The following COL25A1 variants were observed in gnomAD, a reference collection of about 807,000 sequenced individuals.
COL25A1 encodes collagen alpha-1(XXV) chain.
COL25A1 carries 103 observed loss-of-function variants against 128.4 expected under a neutral mutation model. The observed-to-expected ratio is 0.80, with a 90% CI of 0.68 to 0.94. COL25A1 has a LOEUF of 0.94. Among genes scored for constraint, COL25A1 ranks in the 40% least tolerant of loss-of-function variants. The pLI, the probability that COL25A1 is intolerant of heterozygous loss-of-function variation, is 0.00. For missense variants in COL25A1, 745 were observed against 840.0 expected, an observed-to-expected ratio of 0.89 and a Z score of 1.40; for synonymous variants, 279 against 277.2, an observed-to-expected ratio of 1.01 and a Z score of -0.06.
At chr4:109,047,695 C>G (rs1760564421) in intron 5 of COL25A1, among the ~76,000 whole-genome samples, 2 of 147,942 alleles carry the variant, frequency 1.4e-5, no homozygotes, top group African/African-American at 4.9e-5. Flanking sequence ...AATTGTGTAT[C>G]TAAAAAATAA....
Position 108,811,430 on chromosome 4 carries a change from T to A in COL25A1, c.*2497A>T, listed in dbSNP as rs905953295. 5.3e-5 allele frequency: 8 copies of A among 152,190 alleles called. No homozygotes were observed. In the Middle Eastern group the frequency reaches 0.01, roughly 194 times the overall value. The allele number at this position is 152,190 out of a possible 1,614,324, so 9.4% of individuals were successfully genotyped here. On this transcript the variant is annotated 3_prime_UTR_variant, in exon 38 of 38. Coordinates refer to ENST00000399132, the MANE Select transcript of COL25A1 (RefSeq NM_198721.4). ...CTTTGAAGGGCTGTATTTCAAAAAA[T>A]TTTTTTATACATAAAGTGTTTTTCT...
Position 109,174,271 on chromosome 4 carries a change from C to A in COL25A1, c.368-124092G>T, listed in dbSNP as rs1168832574. On this transcript the variant is annotated intron_variant, in intron 3 of 37. Transcript: ENST00000399132. ...AAATAAAGCCCTATTGTAAATGTTG[C>A]CTTGACATGTGGTGAAATCAGGAGG... 3.9e-5 allele frequency among the ~76,000 whole-genome samples: 6 copies of A among 152,262 alleles called. No homozygotes were observed. In the East Asian group the frequency reaches 1.2e-3, roughly 29 times the overall value.
intron 3 of COL25A1, among the ~76,000 whole-genome samples, chr4:109,079,345 T>C (rs1441689793): frequency 1.3e-5 from 2 of 152,228 alleles, no homozygotes; most frequent in African/African-American, 2.4e-5. Flanking sequence ...AGTTTAACTG[T>C]GTAGCATAGT....
intron 17 of COL25A1, among the ~76,000 whole-genome samples, 181 bp from the exon 18 acceptor site, chr4:108,889,437 T>TG (rs1491350625): frequency 9.0e-6 from 1 of 111,566 alleles, no homozygotes; most frequent in Non-Finnish European, 1.9e-5. Context: ...TTTTTTTTTT[T>TG]GCTGTAAATA....
At chr4:109,249,240 C>T (rs1457770471) in intron 3 of COL25A1, among the ~76,000 whole-genome samples, 1 of 152,182 alleles carries the variant, frequency 6.6e-6, no homozygotes. Context: ...ACATGATGAA[C>T]ATCCCACATT....
At chr4:108,985,665 A>G (rs911868376) in intron 6 of COL25A1, among the ~76,000 whole-genome samples, 2 of 152,198 alleles carry the variant, frequency 1.3e-5, no homozygotes, top group Non-Finnish European at 2.9e-5. Context: ...TGAAACTAAA[A>G]CCAAATAAAC....
chr4:108,842,685 C>T (rs1374860367), intron 30 of COL25A1, among the ~76,000 whole-genome samples: 1 of 152,006 alleles, frequency 6.6e-6, no homozygotes, highest in East Asian at 1.9e-4. Flanking sequence ...GTATTCTTAC[C>T]TCATTTTAAT....
At chr4:109,216,618 C>A (rs185142789) in intron 3 of COL25A1, among the ~76,000 whole-genome samples, 1 of 152,048 alleles carries the variant, frequency 6.6e-6, no homozygotes, top group South Asian at 2.1e-4. Context: ...AGCTCTTCTG[C>A]CACAAGCCAA....
chr4:109,127,040 TAA>T (rs1768689069), intron 3 of COL25A1, among the ~76,000 whole-genome samples: 1 of 152,286 alleles, frequency 6.6e-6, no homozygotes, highest in South Asian at 2.1e-4. Context: ...GAGAAAGAGA[TAA>T]AAGCTTCAGA....
chr4:109,300,188 A>C (rs915119624), intron 3 of COL25A1, among the ~76,000 whole-genome samples: 8 of 151,944 alleles, frequency 5.3e-5, no homozygotes, highest in African/African-American at 1.9e-4. Flanking sequence ...AAACAAAAAA[A>C]AAAAAAAACT....
chr4:109,175,461 G>A (rs1046524716), intron 3 of COL25A1, among the ~76,000 whole-genome samples: 2 of 151,968 alleles, frequency 1.3e-5, no homozygotes, highest in Non-Finnish European at 2.9e-5. Flanking sequence ...CACAATATTG[G>A]GGAACTACAC....
chr4:109,065,458 T>C (rs1206997469), intron 3 of COL25A1, among the ~76,000 whole-genome samples: 1 of 151,926 alleles, frequency 6.6e-6, no homozygotes, highest in Non-Finnish European at 1.5e-5. Flanking sequence ...CATGTTGTAT[T>C]TATTGCACTA....
At chr4:108,814,580 T>C (rs192370197) in intron 37 of COL25A1, among the ~76,000 whole-genome samples, 249 of 152,344 alleles carry the variant, frequency 1.6e-3, no homozygotes, top group Non-Finnish European at 2.7e-3. Flanking sequence ...ATTTCTGCTT[T>C]CTCATCTCTC....
Position 109,281,888 on chromosome 4 carries a change from T to A in COL25A1, c.367+18695A>T, listed in dbSNP as rs529257730. Among the ~76,000 whole-genome samples the A allele has an allele frequency of 3.3e-5, 5 of 152,306 alleles. No homozygotes were observed. In the South Asian group the frequency reaches 1.0e-3, roughly 32 times the overall value. ...ACTATACCTTTATTTTAGAGCAACATAAGCACTTTTGTTTGTTATACTACT... is the reference window on the plus strand; with the variant it reads ...ACTATACCTTTATTTTAGAGCAACAAAAGCACTTTTGTTTGTTATACTACT... On this transcript the variant is annotated intron_variant, in intron 3 of 37. Coordinates refer to ENST00000399132, the MANE Select transcript of COL25A1 (RefSeq NM_198721.4).
At chr4:109,025,719 T>A (rs562696269) in intron 5 of COL25A1, among the ~76,000 whole-genome samples, 1 of 152,296 alleles carries the variant, frequency 6.6e-6, no homozygotes, top group East Asian at 1.9e-4. Flanking sequence ...GGGACCCAGA[T>A]GTTTGTGGCT....
At chr4:108,980,853 C>T (rs1578966287) in intron 6 of COL25A1, among the ~76,000 whole-genome samples, 2 of 152,322 alleles carry the variant, frequency 1.3e-5, no homozygotes, top group African/African-American at 2.4e-5. Context: ...CAATGGTCAC[C>T]GCACGTCTGA....
chr4:108,903,890 C>T (rs572523501), intron 13 of COL25A1, among the ~76,000 whole-genome samples: 1 of 151,988 alleles, frequency 6.6e-6, no homozygotes, highest in Non-Finnish European at 1.5e-5. Flanking sequence ...AAATTTTTCA[C>T]TTGTAAGCTT....
chr4:109,201,048 T>C (rs1020227831), intron 3 of COL25A1, among the ~76,000 whole-genome samples: 1 of 152,206 alleles, frequency 6.6e-6, no homozygotes, highest in Non-Finnish European at 1.5e-5. Flanking sequence ...CCTTTCTTCA[T>C]TGATATTCTC....
chr4:109,288,962 T>TACAC lies in COL25A1; in HGVS notation c.367+11617_367+11620dup, dbSNP rs3079876. On this transcript the variant is annotated intron_variant, in intron 3 of 37. Coordinates refer to ENST00000399132, the MANE Select transcript of COL25A1 (RefSeq NM_198721.4). The stretch of plus-strand genomic sequence containing the variant: ...ACTACCAGGAATACTAAATTATATA[T>TACAC]ACACACACACACACACACACACACA... 4.9e-3 allele frequency among the ~76,000 whole-genome samples: 659 copies of TACAC among 133,574 alleles called. 4 individuals carry two copies. Among genetic ancestry groups the TACAC allele is most frequent in the Middle Eastern group, 7.5e-3 (2 of 266 alleles). 87.6% of individuals were successfully genotyped at this position (133,574 alleles called of 152,430 possible).
Sources: allele counts gnomAD v4.1 joint callset (sites outside exome capture counted in the v4.1 genomes callset), GRCh38; gene constraint gnomAD v4.1.1; transcripts MANE v1.5; gene names NCBI Gene and HGNC (gene_info 2026-07-23, HGNC 2026-07-21).